The following SNX7 variants were observed in gnomAD, a reference collection of about 807,000 sequenced individuals.
SNX7 encodes the protein sorting nexin 7, also known as sorting nexin-7.
In SNX7, 35 loss-of-function variants were observed where a neutral mutation model predicts 48.4. The observed-to-expected ratio is 0.72, with a 90% confidence interval of 0.55 to 0.96. SNX7 has a LOEUF of 0.96. SNX7 is among the 40% of genes least tolerant of loss of function. The pLI is 0.00. For synonymous variants in SNX7, 190 were observed against 190.2 expected (o/e 1.00, Z 0.01); for missense variants, 553 against 548.9 (o/e 1.01, Z -0.07).
rs142141431 is a variant in SNX7 at position 98,734,065 on chromosome 1, C to T, written c.1126-4172C>T. ...CTTCTCCTTGCCAACTCCAGACCAG[C>T]CTCTTGTCCATTCTTCTGTCACACT... On this transcript the variant is annotated intron_variant, in intron 7 of 8. Coordinates refer to ENST00000306121, the MANE Select transcript of SNX7 (RefSeq NM_015976.5). 1.8e-3 allele frequency among the ~76,000 whole-genome samples: 279 copies of T among 152,240 alleles called. 2 individuals carry two copies. The highest frequency in any genetic ancestry group is 6.4e-3 in the African/African-American group (264 of 41,558).
chr1:98,738,276 T>A lies in SNX7; in HGVS notation c.1165T>A (p.Cys389Ser), dbSNP rs1182816401. 1 of 1,613,304 alleles carries A rather than the reference T, an allele frequency of 6.2e-7. No individual in the cohort carries two copies. Among genetic ancestry groups the A allele is most frequent in the Non-Finnish European group, 8.5e-7 (1 of 1,179,690 alleles). ...TGGAAAACTTGAAGATAAAGTGGAA[T>A]GTGCTAATAATGCCCTGAAAGCAGA... is the stretch of plus-strand genomic sequence containing the variant. ...EIGKLEDKVE[C>S]ANNALKADWE... The change falls in exon 8 of 9, where the codon TGT becomes AGT. Residue 389 changes from cysteine (C) to serine (S), a missense_variant. By Grantham distance (112) the Cys-to-Ser change is moderately radical. Coordinates refer to ENST00000306121, the MANE Select transcript of SNX7 (RefSeq NM_015976.5).
At chr1:98,661,680 G>C (rs942517830), upstream of SNX7, 4 of 1,192,680 alleles carry the variant, frequency 3.4e-6, no homozygotes, top group African/African-American at 6.4e-5. Context: ...GCACGCTCGG[G>C]GGAGCCGGGC....
chr1:98,670,348 T>TG (rs1649783937), intron 1 of SNX7, among the ~76,000 whole-genome samples: 2 of 152,098 alleles, frequency 1.3e-5, no homozygotes, highest in African/African-American at 4.8e-5. Flanking sequence ...TTACAAGTAG[T>TG]GGAAGCCAAC....
chr1:98,754,543 TTTGG>T (rs1366832211), intron 8 of SNX7, among the ~76,000 whole-genome samples: 1 of 152,048 alleles, frequency 6.6e-6, no homozygotes, highest in Admixed American at 6.6e-5. Context: ...TGTGGTGAAT[TTTGG>T]TAGTTTATGT....
intron 8 of SNX7, among the ~76,000 whole-genome samples, chr1:98,753,370 TTCACA>T (rs1373900770): frequency 6.6e-6 from 1 of 152,098 alleles, no homozygotes; most frequent in African/African-American, 2.4e-5. Flanking sequence ...AAGATGTTAA[TTCACA>T]TCACTAATTA....
intron 7 of SNX7, among the ~76,000 whole-genome samples, chr1:98,724,271 C>G (rs1346484925): frequency 6.6e-6 from 1 of 152,002 alleles, no homozygotes; most frequent in East Asian, 1.9e-4. Flanking sequence ...GGTAAACCCA[C>G]TCTGGCCATT....
chr1:98,746,790 G>C (rs1306074462), intron 8 of SNX7, among the ~76,000 whole-genome samples: 1 of 152,026 alleles, frequency 6.6e-6, no homozygotes, highest in Non-Finnish European at 1.5e-5. Context: ...TAGCAAATAA[G>C]AAGGTAAATA....
At chr1:98,690,025 A>G (rs1651028492) in intron 2 of SNX7, among the ~76,000 whole-genome samples, 1 of 152,132 alleles carries the variant, frequency 6.6e-6, no homozygotes, top group African/African-American at 2.4e-5. Context: ...TAAACTTTGG[A>G]AAGTATAGCT....
chr1:98,730,978 C>T (rs996690000), intron 7 of SNX7, among the ~76,000 whole-genome samples: 3 of 152,022 alleles, frequency 2.0e-5, no homozygotes, highest in African/African-American at 7.2e-5. Flanking sequence ...CACAGGGCGG[C>T]AGAGGTGGGG....
At chr1:98,732,044 G>A (rs6703336) in intron 7 of SNX7, among the ~76,000 whole-genome samples, 40,112 of 151,960 alleles carry the variant, frequency 0.26, 5,635 homozygotes, top group Middle Eastern at 0.31. Context: ...TGGGGTTACC[G>A]TTTCTATTGA....
intron 7 of SNX7, among the ~76,000 whole-genome samples, chr1:98,722,094 T>C (rs918200211): frequency 6.6e-5 from 10 of 152,088 alleles, no homozygotes; most frequent in African/African-American, 2.4e-4. Flanking sequence ...TTGAGGGATG[T>C]TAATGGTGTT....
chr1:98,753,132 T>C (rs1451936828), intron 8 of SNX7, among the ~76,000 whole-genome samples: 2 of 152,064 alleles, frequency 1.3e-5, no homozygotes, highest in Non-Finnish European at 2.9e-5. Context: ...TTAAAGAAGG[T>C]GATACATAAA....
At chr1:98,662,875 G>A in intron 1 of SNX7, 1 of 1,282,688 alleles carries the variant, frequency 7.8e-7, no homozygotes, top group Non-Finnish European at 1.0e-6. Context: ...ACCAAAGTTA[G>A]GAAGTGACCA....
At chr1:98,726,882 AG>A (rs1386901881) in intron 7 of SNX7, among the ~76,000 whole-genome samples, 3 of 152,158 alleles carry the variant, frequency 2.0e-5, no homozygotes, top group Admixed American at 2.0e-4. Context: ...TCCTGTGTCT[AG>A]GCCAATGCCT....
At chr1:98,681,882 T>C (rs1031912600) in intron 1 of SNX7, among the ~76,000 whole-genome samples, 3 of 152,124 alleles carry the variant, frequency 2.0e-5, no homozygotes, top group Non-Finnish European at 2.9e-5. Context: ...TTTCTGAAAA[T>C]ACACACAGAC....
chr1:98,734,286 T>C (rs563948015), intron 7 of SNX7, among the ~76,000 whole-genome samples: 1 of 152,158 alleles, frequency 6.6e-6, no homozygotes, highest in Admixed American at 6.6e-5. Flanking sequence ...TTCTACTTTT[T>C]ATTATAGCCT....
chr1:98,688,467 C>T (rs1650929422), intron 2 of SNX7, among the ~76,000 whole-genome samples: 1 of 152,146 alleles, frequency 6.6e-6, no homozygotes, highest in South Asian at 2.1e-4. Context: ...ACTTTCCTTC[C>T]ACTTCCTCTT....
chr1:98,704,138 T>C (rs963695838), intron 7 of SNX7, among the ~76,000 whole-genome samples: 1 of 152,098 alleles, frequency 6.6e-6, no homozygotes, highest in Non-Finnish European at 1.5e-5. Flanking sequence ...TGTATAAAAA[T>C]TTTTTTGATA....
Position 98,722,144 on chromosome 1 carries a change from G to C in SNX7, c.1126-16093G>C, listed in dbSNP as rs1381709006. Reference sequence around the variant, plus strand: ...GAAACGTGATGCGTTAACTACATTTGTGGGTGTTTTATGACTCAATTTGTC... The same window carrying C: ...GAAACGTGATGCGTTAACTACATTTCTGGGTGTTTTATGACTCAATTTGTC... On this transcript the variant is annotated intron_variant, in intron 7 of 8. Transcript: ENST00000306121. Among the ~76,000 whole-genome samples, 9 of 152,090 alleles carry C rather than the reference G, an allele frequency of 5.9e-5. No individual in the cohort carries two copies. In the East Asian group the frequency reaches 1.4e-3, roughly 23 times the overall value.
Sources: allele counts gnomAD v4.1 joint callset (sites outside exome capture counted in the v4.1 genomes callset), GRCh38; gene constraint gnomAD v4.1.1; transcripts MANE v1.5; gene names NCBI Gene and HGNC (gene_info 2026-07-23, HGNC 2026-07-21).